Variants in S1PR1 observed in about 807,000 individuals in gnomAD.
S1PR1 encodes sphingosine 1-phosphate receptor 1.
A neutral mutation model predicts 18.3 loss-of-function variants in S1PR1; 2 were observed. The observed-to-expected ratio is 0.11, with a 90% CI of 0.04 to 0.34. S1PR1 has a LOEUF of 0.34. Among genes scored for constraint, S1PR1 ranks in the 10% least tolerant of loss-of-function variants. The pLI, the probability that S1PR1 is intolerant of heterozygous loss-of-function variation, is 1.00. For missense variants in S1PR1, 335 were observed against 493.8 expected (o/e 0.68, Z 3.05); for synonymous variants, 222 against 211.2 (o/e 1.05, Z -0.44).
Position 101,239,362 on chromosome 1 carries a change from G to A in S1PR1, c.378G>A (p.Val126=), listed in dbSNP as rs2100880964. The change falls in exon 2 of 2, where the codon GTG becomes GTA. Residue 126 remains valine (V), a synonymous_variant. Coordinates refer to ENST00000305352, the MANE Select transcript of S1PR1 (RefSeq NM_001400.5). This position sits in a 1 kb window ranked among gnomAD's most constrained non-coding sequence, Gnocchi z 6.3. ...TTCTGCGGGAAGGGAGTATGTTTGT[G>A]GCCCTGTCAGCCTCCGTGTTCAGTC... The part of the protein sequence containing the change: ...QWFLREGSMF[V]ALSASVFSLL... 3 of 1,614,162 alleles carry A rather than the reference G, an allele frequency of 1.9e-6. No homozygotes were observed. Among genetic ancestry groups the A allele is most frequent in the East Asian group, 2.2e-5 (1 of 44,888 alleles).
chr1:101,239,004 C>A lies in S1PR1; in HGVS notation c.20C>A (p.Pro7Gln). Reference sequence around the variant, plus strand: ...GGCACCATGGGGCCCACCAGCGTCCCGCTGGTCAAGGCCCACCGCAGCTCG... The same window carrying A: ...GGCACCATGGGGCCCACCAGCGTCCAGCTGGTCAAGGCCCACCGCAGCTCG... MGPTSV[P>Q]LVKAHRSSVS... is the part of the protein sequence containing the mutation. Residue 7 changes from proline (P) to glutamine (Q), a missense_variant, in exon 2 of 2, where the codon CCG becomes CAG. Transcript: ENST00000305352. The surrounding 1 kb of genome is among the most constrained non-coding windows in gnomAD (Gnocchi z 6.3). The A allele has an allele frequency of 1.2e-6, 2 of 1,613,622 alleles. No individual in the cohort carries two copies. Among genetic ancestry groups the A allele is most frequent in the Non-Finnish European group, 1.7e-6 (2 of 1,179,646 alleles).
In S1PR1 at chr1:101,239,958, T is replaced by C; in HGVS notation, c.974T>C (p.Ile325Thr). Residue 325 changes from isoleucine to threonine, a missense_variant, in exon 2 of 2, where the codon ATC (isoleucine) becomes ACC (threonine). Coordinates refer to ENST00000305352, the MANE Select transcript of S1PR1 (RefSeq NM_001400.5). This position sits in a 1 kb window ranked among gnomAD's most constrained non-coding sequence, Gnocchi z 6.3. ...NKEMRRAFIR[I>T]MSCCKCPSGD... ...GAGATGCGTCGGGCCTTCATCCGGATCATGTCCTGCTGCAAGTGCCCGAGC... is the reference window on the plus strand; with the variant it reads ...GAGATGCGTCGGGCCTTCATCCGGACCATGTCCTGCTGCAAGTGCCCGAGC... 1 of 1,614,082 alleles carries C rather than the reference T, an allele frequency of 6.2e-7. No homozygotes were observed. Among genetic ancestry groups the C allele is most frequent in the Non-Finnish European group, 8.5e-7 (1 of 1,180,020 alleles).
rs1218780568 is a variant in S1PR1, at chr1:101,241,112, G to T, written c.*979G>T. The T allele has an allele frequency of 6.0e-6, 1 of 167,094 alleles. No individual in the cohort carries two copies. Among genetic ancestry groups the T allele is most frequent in the Admixed American group, 6.5e-5 (1 of 15,276 alleles). 10.4% of individuals were successfully genotyped at this position (167,094 alleles called of 1,614,324 possible). ...TGTGATTCATTTCAAGCAACAACATGGTTGTATTTTGTTGTGTTAAAAGTA... is the reference window on the plus strand; with the variant it reads ...TGTGATTCATTTCAAGCAACAACATTGTTGTATTTTGTTGTGTTAAAAGTA... On this transcript the variant is annotated 3_prime_UTR_variant, in exon 2 of 2. Transcript: ENST00000305352.
chr1:101,239,459 C>T lies in S1PR1; in HGVS notation c.475C>T (p.Arg159Cys). 1.2e-6 allele frequency: 2 copies of T among 1,614,176 alleles called. No homozygotes were observed. Among genetic ancestry groups the T allele is most frequent in the Non-Finnish European group, 1.7e-6 (2 of 1,180,048 alleles). ...ACTCCACAACGGGAGCAATAACTTC[C>T]GCCTCTTCCTGCTAATCAGCGCCTG... is the stretch of plus-strand genomic sequence containing the variant. ...MKLHNGSNNF[R>C]LFLLISACWV... Residue 159 changes from arginine to cysteine, a missense_variant, in exon 2 of 2, where the codon CGC becomes TGC. By Grantham distance (180) the Arg-to-Cys change is radical. This residue lies in a region of S1PR1 where 214 missense variants were observed against 366.6 expected (regional missense o/e 0.58). Coordinates refer to ENST00000305352, the MANE Select transcript of S1PR1 (RefSeq NM_001400.5). The surrounding 1 kb of genome is among the most constrained non-coding windows in gnomAD (Gnocchi z 6.3).
In S1PR1 at chr1:101,240,069, A is replaced by G; in HGVS notation, c.1085A>G (p.Gln362Arg). The G allele has an allele frequency of 6.2e-7, 1 of 1,613,560 alleles. No homozygotes were observed. Among genetic ancestry groups the G allele is most frequent in the Non-Finnish European group, 8.5e-7 (1 of 1,180,022 alleles). The change falls in exon 2 of 2, where the codon CAG (glutamine) becomes CGG (arginine). Residue 362 changes from glutamine to arginine, a missense_variant. Gln to Arg is a conservative substitution (Grantham distance 43, BLOSUM62 1). This residue lies in a region of S1PR1 where 90 missense variants were observed against 97.6 expected (regional missense o/e 0.92). Coordinates refer to ENST00000305352, the MANE Select transcript of S1PR1 (RefSeq NM_001400.5). ...RSKSDNSSHP[Q>R]KDEGDNPETI... is the part of the protein sequence containing the mutation. The stretch of plus-strand genomic sequence containing the variant: ...AAATCGGACAATTCCTCCCACCCCC[A>G]GAAAGACGAAGGGGACAACCCAGAG...
Position 101,240,237 on chromosome 1 carries a change from T to A in S1PR1, c.*104T>A, listed in dbSNP as rs776699742. 6.9e-5 allele frequency: 87 copies of A among 1,257,338 alleles called. 3 individuals carry two copies. In the South Asian group the frequency reaches 1.2e-3, roughly 17 times the overall value. 77.9% of individuals were successfully genotyped at this position (1,257,338 alleles called of 1,614,324 possible). ...GCTTCGACTGCTGCCAGGGAGGAGCTGCTGCAAGCCAGAGGGAGGAAGGGG... is the reference window on the plus strand; with the variant it reads ...GCTTCGACTGCTGCCAGGGAGGAGCAGCTGCAAGCCAGAGGGAGGAAGGGG... On this transcript the variant is annotated 3_prime_UTR_variant, in exon 2 of 2. Transcript: ENST00000305352.
intron 1 of S1PR1, 87 bp from the exon 2 acceptor site, chr1:101,238,735 A>C (rs767088627): frequency 4.2e-6 from 2 of 477,396 alleles, no homozygotes; most frequent in Non-Finnish European, 7.3e-6. Flanking sequence ...ATCAACAACA[A>C]CACAATTGGA....
intron 1 of S1PR1, among the ~76,000 whole-genome samples, chr1:101,237,530 C>G (rs1652750739): frequency 6.6e-6 from 1 of 152,224 alleles, no homozygotes. Flanking sequence ...CTTGAGCAGC[C>G]TCTGCTGTTC....
chr1:101,238,279 G>T (rs1652771545), intron 1 of S1PR1: 1 of 151,850 alleles, frequency 6.6e-6, no homozygotes, highest in African/African-American at 2.4e-5. Flanking sequence ...GAACTGGGGG[G>T]CTGGGGGTGG....
Position 101,239,290 on chromosome 1 carries a change from G to A in S1PR1, c.306G>A (p.Leu102=). ...LLAGVAYTAN[L]LLSGATTYKL... ...CAGGAGTAGCCTACACAGCTAACCT[G>A]CTCTTGTCTGGGGCCACCACCTACA... Residue 102 remains leucine (L), a synonymous_variant, in exon 2 of 2, where the codon CTG becomes CTA. Coordinates refer to ENST00000305352, the MANE Select transcript of S1PR1 (RefSeq NM_001400.5). The surrounding 1 kb of genome is among the most constrained non-coding windows in gnomAD (Gnocchi z 6.3). The A allele has an allele frequency of 1.9e-6, 3 of 1,614,152 alleles. No homozygotes were observed. The highest frequency in any genetic ancestry group is 4.5e-5 in the East Asian group (2 of 44,884).
intron 1 of S1PR1, among the ~76,000 whole-genome samples, chr1:101,237,469 G>T (rs1652747921): frequency 6.6e-6 from 1 of 152,214 alleles, no homozygotes; most frequent in South Asian, 2.1e-4. Flanking sequence ...AATTAGTACT[G>T]CCCAGGAGCA....
At chr1:101,242,083 A>C (rs948054604), downstream of S1PR1, among the ~76,000 whole-genome samples, 13 of 150,976 alleles carry the variant, frequency 8.6e-5, no homozygotes, top group Non-Finnish European at 1.5e-4. Context: ...AGTATACAGT[A>C]TCAGTGAAGC....
At position 101,240,237 on chromosome 1, in the gene S1PR1, T is replaced by G. The variant is rs776699742; in HGVS notation, c.*104T>G. ...GCTTCGACTGCTGCCAGGGAGGAGCTGCTGCAAGCCAGAGGGAGGAAGGGG... is the reference window on the plus strand; with the variant it reads ...GCTTCGACTGCTGCCAGGGAGGAGCGGCTGCAAGCCAGAGGGAGGAAGGGG... On this transcript the variant is annotated 3_prime_UTR_variant, in exon 2 of 2. Transcript: ENST00000305352. 4.8e-6 allele frequency: 6 copies of G among 1,257,220 alleles called. No homozygotes were observed. The highest frequency in any genetic ancestry group is 6.7e-6 in the Non-Finnish European group (6 of 894,040). The allele number at this position is 1,257,220 out of a possible 1,614,324, so 77.9% of individuals were successfully genotyped here.
Position 101,239,697 on chromosome 1 carries a change from G to A in S1PR1, c.713G>A (p.Arg238His). 1 of 1,613,900 alleles carries A rather than the reference G, an allele frequency of 6.2e-7. No homozygotes were observed. The highest frequency in any genetic ancestry group is 8.5e-7 in the Non-Finnish European group (1 of 1,180,030). Residue 238 changes from arginine (R) to histidine (H), a missense_variant, in exon 2 of 2, where the codon CGC becomes CAC. Arg to His is a conservative substitution (Grantham distance 29). This residue lies in a region of S1PR1 where 214 missense variants were observed against 366.6 expected (regional missense o/e 0.58). Coordinates refer to ENST00000305352, the MANE Select transcript of S1PR1 (RefSeq NM_001400.5). This position sits in a 1 kb window ranked among gnomAD's most constrained non-coding sequence, Gnocchi z 6.3. ...ACTCGGAGCCGCCGCCTGACGTTCC[G>A]CAAGAACATTTCCAAGGCCAGCCGC... ...VRTRSRRLTF[R>H]KNISKASRSS...
At chr1:101,241,927 C>T (rs752312097), downstream of S1PR1, among the ~76,000 whole-genome samples, 1 of 151,418 alleles carries the variant, frequency 6.6e-6, no homozygotes, top group African/African-American at 2.4e-5. Context: ...ATTCAAAACC[C>T]ATCAAAAAAG....
At position 101,239,437 on chromosome 1, in the gene S1PR1, C is replaced by G; in HGVS notation, c.453C>G (p.Leu151=). 6.2e-7 allele frequency: 1 copy of G among 1,614,174 alleles called. No individual in the cohort carries two copies. Reference sequence around the variant, plus strand: ...ATATCACAATGCTGAAAATGAAACTCCACAACGGGAGCAATAACTTCCGCC... The same window carrying G: ...ATATCACAATGCTGAAAATGAAACTGCACAACGGGAGCAATAACTTCCGCC... ...ERYITMLKMK[L]HNGSNNFRLF... Residue 151 remains leucine, a synonymous_variant, in exon 2 of 2, where the codon CTC becomes CTG. Coordinates refer to ENST00000305352, the MANE Select transcript of S1PR1 (RefSeq NM_001400.5). This position sits in a 1 kb window ranked among gnomAD's most constrained non-coding sequence, Gnocchi z 6.3.
rs1368327777 is a variant in S1PR1 at position 101,241,147 on chromosome 1, AT to A, written c.*1019del. ...TGTTGTGTTAAAAGTACTTTTCTTGATTTTTGAATGTATTTGTTTCAGCAGA... is the reference window on the plus strand; with the variant it reads ...TGTTGTGTTAAAAGTACTTTTCTTGATTTTGAATGTATTTGTTTCAGCAGA... On this transcript the variant is annotated 3_prime_UTR_variant, in exon 2 of 2. Transcript: ENST00000305352. 1 of 167,068 alleles carries A rather than the reference AT, an allele frequency of 6.0e-6. No homozygotes were observed. Among genetic ancestry groups the A allele is most frequent in the African/African-American group, 2.4e-5 (1 of 41,418 alleles). 10.3% of individuals were successfully genotyped at this position (167,068 alleles called of 1,614,324 possible).
Position 101,239,307 on chromosome 1 carries a change from C to T in S1PR1, c.323C>T (p.Thr108Ile), listed in dbSNP as rs1224821234. The T allele has an allele frequency of 6.2e-7, 1 of 1,614,052 alleles. No homozygotes were observed. The highest frequency in any genetic ancestry group is 8.5e-7 in the Non-Finnish European group (1 of 1,180,032). The change falls in exon 2 of 2, where the codon ACC becomes ATC. Residue 108 changes from threonine to isoleucine, a missense_variant. Physicochemically the swap from Thr to Ile is moderately conservative, Grantham distance 89 (BLOSUM62 -1). Transcript: ENST00000305352. The surrounding 1 kb of genome is among the most constrained non-coding windows in gnomAD (Gnocchi z 6.3). Reference protein sequence around the residue: ...YTANLLLSGATTYKLTPAQWF... With the variant: ...YTANLLLSGAITYKLTPAQWF... ...GCTAACCTGCTCTTGTCTGGGGCCA[C>T]CACCTACAAGCTCACTCCCGCCCAG...
Position 101,239,512 on chromosome 1 carries a change from C to A in S1PR1, c.528C>A (p.Gly176=), listed in dbSNP as rs1238556512. The A allele has an allele frequency of 6.2e-7, 1 of 1,613,986 alleles. No homozygotes were observed. Among genetic ancestry groups the A allele is most frequent in the Non-Finnish European group, 8.5e-7 (1 of 1,180,020 alleles). The change falls in exon 2 of 2, where the codon GGC becomes GGA. Residue 176 remains glycine (G), a synonymous_variant. Coordinates refer to ENST00000305352, the MANE Select transcript of S1PR1 (RefSeq NM_001400.5). The surrounding 1 kb of genome is among the most constrained non-coding windows in gnomAD (Gnocchi z 6.3). ...ACWVISLILG[G]LPIMGWNCIS... ...GGGTCATCTCCCTCATCCTGGGTGGCCTGCCTATCATGGGCTGGAACTGCA... is the reference window on the plus strand; with the variant it reads ...GGGTCATCTCCCTCATCCTGGGTGGACTGCCTATCATGGGCTGGAACTGCA...
Sources: gnomAD v4.1 joint callset for allele counts (sites outside exome capture counted in the v4.1 genomes callset) on GRCh38, gnomAD v4.1.1 for gene constraint, gnomAD v4.1.1 regional missense constraint, Gnocchi (gnomAD v3.1) non-coding constraint, MANE v1.5 for transcripts, NCBI Gene and HGNC (gene_info 2026-07-23, HGNC 2026-07-21) for gene names.